The following PDIA4 variants were observed in gnomAD, a reference collection of about 807,000 sequenced individuals.
The protein encoded by PDIA4 is protein disulfide-isomerase A4.
PDIA4 carries 33 observed loss-of-function variants against 62.1 expected under a neutral mutation model. The ratio of observed to expected loss-of-function variants is 0.53; its 90% CI spans 0.40 to 0.71. The LOEUF (loss-of-function observed/expected upper bound fraction) is 0.71. Ranked by LOEUF, PDIA4 falls within the 30% of genes least tolerant of loss-of-function variation. The pLI is 0.00. For synonymous variants in PDIA4, 341 were observed against 324.1 expected (o/e 1.05, Z -0.56); for missense variants, 804 against 813.6 (o/e 0.99, Z 0.14).
intron 3 of PDIA4, among the ~76,000 whole-genome samples, chr7:149,015,467 T>C (rs1404869565): frequency 7.6e-6 from 1 of 131,920 alleles, no homozygotes; most frequent in Non-Finnish European, 1.5e-5. Flanking sequence ...AATGTTACTA[T>C]ATTACATACG....
At chr7:149,022,752 T>A (rs1302046895) in intron 1 of PDIA4, among the ~76,000 whole-genome samples, 1 of 152,122 alleles carries the variant, frequency 6.6e-6, no homozygotes, top group African/African-American at 2.4e-5. Context: ...CCACCCCACA[T>A]GGCTGTGCCT....
rs771143594 is a variant in PDIA4 at position 149,019,001 on chromosome 7, T to C, written c.466A>G (p.Thr156Ala). Residue 156 changes from threonine (T) to alanine (A), a missense_variant, in exon 3 of 10, where the codon ACC becomes GCC. Thr to Ala is a moderately conservative substitution (Grantham distance 58). Coordinates refer to ENST00000652332, the MANE Select transcript of PDIA4 (RefSeq NM_004911.5). The stretch of plus-strand genomic sequence containing the variant: ...TCAGGTACCAGCTCACCTTCCTGGG[T>C]TCTGGAGCCCTCGTAGTCTACAGCC... ...GQAVDYEGSR[T>A]QEEIVAKVRE... 1 of 1,611,968 alleles carries C rather than the reference T, an allele frequency of 6.2e-7. No homozygotes were observed. Among genetic ancestry groups the C allele is most frequent in the South Asian group, 1.1e-5 (1 of 91,024 alleles).
intron 3 of PDIA4, among the ~76,000 whole-genome samples, chr7:149,015,780 C>T (rs886746873): frequency 4.6e-5 from 7 of 152,254 alleles, no homozygotes; most frequent in Non-Finnish European, 7.3e-5. Context: ...CAAACTGAAA[C>T]GTGCACAAGC....
intron 1 of PDIA4, among the ~76,000 whole-genome samples, chr7:149,022,359 G>C (rs1387443226): frequency 6.6e-6 from 1 of 152,138 alleles, no homozygotes; most frequent in Non-Finnish European, 1.5e-5. Flanking sequence ...TAGAATGTGA[G>C]AAATTGTGTA....
intron 8 of PDIA4, among the ~76,000 whole-genome samples, chr7:149,005,666 C>T (rs1429954583): frequency 1.3e-5 from 2 of 152,194 alleles, no homozygotes; most frequent in South Asian, 4.1e-4. Context: ...CAAGTCTCAG[C>T]TACGTCAACT....
intron 2 of PDIA4, among the ~76,000 whole-genome samples, chr7:149,019,883 A>C: frequency 6.6e-6 from 1 of 152,238 alleles, no homozygotes; most frequent in East Asian, 1.9e-4. Flanking sequence ...ACCCATATAA[A>C]AAGCCCTCTG....
Position 149,019,061 on chromosome 7 carries a change from C to T in PDIA4, c.406G>A (p.Gly136Ser). The change falls in exon 3 of 10, where the codon GGC (glycine) becomes AGC (serine). Residue 136 changes from glycine (G) to serine (S), a missense_variant. Gly to Ser is a moderately conservative substitution (Grantham distance 56, BLOSUM62 0). Coordinates refer to ENST00000652332, the MANE Select transcript of PDIA4 (RefSeq NM_004911.5). ...TTAAGGATCTTGATGGTGGGGTAGC[C>T]ACTCACATCAAACCTGCTGGCCAGC... The part of the protein sequence containing the change: ...SVLASRFDVS[G>S]YPTIKILKKG... 3.1e-6 allele frequency: 5 copies of T among 1,613,736 alleles called. No individual in the cohort carries two copies. The highest frequency in any genetic ancestry group is 4.2e-6 in the Non-Finnish European group (5 of 1,179,948).
In PDIA4 at chr7:149,021,090, T is replaced by C. The variant is rs139037751; in HGVS notation, c.146A>G (p.Asp49Gly). 1 of 1,612,708 alleles carries C rather than the reference T, an allele frequency of 6.2e-7. No homozygotes were observed. The highest frequency in any genetic ancestry group is 1.3e-5 in the African/African-American group (1 of 75,008). ...EDEEEEEEED[D>G]DEEEDDLEVK... ...TTCCAAGTCGTCTTCTTCCTCATCA[T>C]CATCTTCCTCCTCCTCCTCCTCTTC... The change falls in exon 2 of 10, where the codon GAT becomes GGT. Residue 49 changes from aspartate to glycine, a missense_variant. Asp to Gly is a moderately conservative substitution (Grantham distance 94). Coordinates refer to ENST00000652332, the MANE Select transcript of PDIA4 (RefSeq NM_004911.5).
chr7:149,025,065 C>T (rs140798932), intron 1 of PDIA4, among the ~76,000 whole-genome samples: 819 of 60,058 alleles, frequency 0.014, 8 homozygotes, highest in African/African-American at 0.036. Flanking sequence ...AGTGAAACTC[C>T]ATCTCAAAAA....
chr7:149,008,185 G>A lies in PDIA4; in HGVS notation c.1105C>T (p.Pro369Ser), dbSNP rs1192368835. 1.2e-6 allele frequency: 2 copies of A among 1,614,050 alleles called. No homozygotes were observed. The highest frequency in any genetic ancestry group is 8.5e-7 in the Non-Finnish European group (1 of 1,179,982). Residue 369 changes from proline (P) to serine (S), a missense_variant, in exon 7 of 10, where the codon CCC becomes TCC. Transcript: ENST00000652332. Reference protein sequence around the residue: ...QPEKFQSKYEPRSHMMDVQGS... With the variant: ...QPEKFQSKYESRSHMMDVQGS... ...TGGACGTCCATCATGTGGCTCCGGGGCTCATACTTGGACTGGAATTTCTCA... is the reference window on the plus strand; with the variant it reads ...TGGACGTCCATCATGTGGCTCCGGGACTCATACTTGGACTGGAATTTCTCA...
intron 1 of PDIA4, 45 bp downstream of exon 1, chr7:149,028,276 A>T: frequency 7.1e-7 from 1 of 1,405,248 alleles, no homozygotes; most frequent in Non-Finnish European, 9.6e-7. Context: ...ACAGCTCTGC[A>T]GCCCCCGCAA....
intron 9 of PDIA4, 118 bp from the exon 10 acceptor site, chr7:149,004,327 GGAA>G (rs1270365314): frequency 1.1e-5 from 10 of 897,146 alleles, no homozygotes; most frequent in African/African-American, 1.7e-5. Context: ...CAGTCACACA[GGAA>G]GAGCCCACTA....
Position 149,028,399 on chromosome 7 carries a change from G to A in PDIA4, c.10C>T (p.Arg4Trp), listed in dbSNP as rs1824635960. ...AGCAGCAGGAGCAGGAAGGCTTTCC[G>A]GGGCCTCATGGTAGCGGGGGCGGAG... Reference protein sequence around the residue: MRPRKAFLLLLLLG... With the variant: MRPWKAFLLLLLLG... Residue 4 changes from arginine (R) to tryptophan (W), a missense_variant, in exon 1 of 10, where the codon CGG becomes TGG. Coordinates refer to ENST00000652332, the MANE Select transcript of PDIA4 (RefSeq NM_004911.5). 6.6e-7 allele frequency: 1 copy of A among 1,515,904 alleles called. No individual in the cohort carries two copies. The highest frequency in any genetic ancestry group is 8.8e-7 in the Non-Finnish European group (1 of 1,132,650). The allele number at this position is 1,515,904 out of a possible 1,614,324, so 93.9% of individuals were successfully genotyped here.
At position 149,018,363 on chromosome 7, in the gene PDIA4, T is replaced by C. The variant is rs915961043; in HGVS notation, c.475+629A>G. Among the ~76,000 whole-genome samples the C allele has an allele frequency of 3.3e-5, 5 of 152,154 alleles. No homozygotes were observed. The East Asian group carries it at 9.6e-4, about 29-fold the overall frequency. On this transcript the variant is annotated intron_variant, in intron 3 of 9. Coordinates refer to ENST00000652332, the MANE Select transcript of PDIA4 (RefSeq NM_004911.5). ...AGCCCTCCAGATGACTGACGCTTGCTAAACATTAAGAACCAGTGCTCTAGA... is the reference window on the plus strand; with the variant it reads ...AGCCCTCCAGATGACTGACGCTTGCCAAACATTAAGAACCAGTGCTCTAGA...
intron 4 of PDIA4, among the ~76,000 whole-genome samples, chr7:149,012,766 C>T (rs1823993869): frequency 6.6e-6 from 1 of 152,060 alleles, no homozygotes; most frequent in Admixed American, 6.5e-5. Context: ...AGCTAGGATC[C>T]AAGGGACAGC....
At chr7:149,008,010 G>T in intron 7 of PDIA4, 149 bp downstream of exon 7, 1 of 725,318 alleles carries the variant, frequency 1.4e-6, no homozygotes, top group Non-Finnish European at 2.2e-6. Context: ...CAGAAAACCT[G>T]TGGGGTGGGG....
At chr7:149,005,684 G>A (rs531198922) in intron 8 of PDIA4, among the ~76,000 whole-genome samples, 1 of 152,226 alleles carries the variant, frequency 6.6e-6, no homozygotes, top group Admixed American at 6.5e-5. Context: ...ACTCTAAGAG[G>A]GTTCTGCACC....
intron 3 of PDIA4, among the ~76,000 whole-genome samples, chr7:149,016,253 G>A (rs1469466194): frequency 6.6e-6 from 1 of 152,138 alleles, no homozygotes; most frequent in Non-Finnish European, 1.5e-5. Context: ...AGCCAAGATT[G>A]CACCACTGCA....
intron 3 of PDIA4, among the ~76,000 whole-genome samples, chr7:149,016,743 C>G (rs544507577): frequency 1.3e-5 from 2 of 152,292 alleles, no homozygotes; most frequent in African/African-American, 4.8e-5. Flanking sequence ...GATCTCCTGA[C>G]CTCGTGATCC....
Sources: allele counts gnomAD v4.1 joint callset (sites outside exome capture counted in the v4.1 genomes callset), GRCh38; gene constraint gnomAD v4.1.1; transcripts MANE v1.5; gene names NCBI Gene and HGNC (gene_info 2026-07-23, HGNC 2026-07-21).